LAMA3: variants seen among roughly 807,000 people sequenced by gnomAD.
LAMA3 encodes laminin subunit alpha-3.
In LAMA3, 281 loss-of-function variants were observed where a neutral mutation model predicts 402.0. That is an observed-to-expected ratio of 0.70 (90% CI 0.63 to 0.77). The LOEUF is 0.77. Ranked by LOEUF, LAMA3 falls within the 30% of genes least tolerant of loss-of-function variation. The pLI, the probability that LAMA3 is intolerant of heterozygous loss-of-function variation, is 0.00. For synonymous variants in LAMA3, 1,431 were observed against 1,558.4 expected (o/e 0.92, Z 1.93); for missense variants, 3,840 against 4,215.5 (o/e 0.91, Z 2.47).
chr18:23,767,820 G>A (rs533425956), intron 8 of LAMA3, among the ~76,000 whole-genome samples: 4 of 152,032 alleles, frequency 2.6e-5, no homozygotes, highest in South Asian at 2.1e-4. Context: ...TGACCCACCC[G>A]CTTCAGCCTC....
At position 23,900,111 on chromosome 18, in the gene LAMA3, C is replaced by T. The variant is rs139949673; in HGVS notation, c.6004+656C>T. Among the ~76,000 whole-genome samples the T allele has an allele frequency of 5.3e-5, 8 of 152,096 alleles. No homozygotes were observed. In the East Asian group the frequency reaches 1.5e-3, roughly 29 times the overall value. ...TATGTGACAGAGTCTCACTCCATTA[C>T]TCAGGCTGGAGTGCAGTAGTGTGAT... On this transcript the variant is annotated intron_variant, in intron 47 of 74. Coordinates refer to ENST00000313654, the MANE Select transcript of LAMA3 (RefSeq NM_198129.4).
chr18:23,946,596 C>G lies in LAMA3; in HGVS notation c.9351+312C>G, dbSNP rs934804396. ...AAAAACGTAGGTTTTAGGTTATAGA[C>G]AGAGATTTTTTGGTTAACATAATGT... On this transcript the variant is annotated intron_variant, in intron 70 of 74. Transcript: ENST00000313654. The G allele has an allele frequency of 9.2e-6, 3 of 324,326 alleles. No individual in the cohort carries two copies. The Admixed American group carries it at 1.3e-4, about 14-fold the overall frequency. The allele number at this position is 324,326 out of a possible 1,614,324, so 20.1% of individuals were successfully genotyped here.
At chr18:23,825,566 G>T (rs2063365787) in intron 21 of LAMA3, among the ~76,000 whole-genome samples, 1 of 152,094 alleles carries the variant, frequency 6.6e-6, no homozygotes, top group African/African-American at 2.4e-5. Context: ...TAACATGAGG[G>T]ATTGTTCTTT....
rs896843668 is a variant in LAMA3, at chr18:23,782,552, A to AAAAT, written c.1469-1451_1469-1448dup. ...TGGGCGATAGAATGAAACTCTGTCT[A>AAAAT]AAATAAATAAATAAATAAATAAAAA... On this transcript the variant is annotated intron_variant, in intron 11 of 74. Coordinates refer to ENST00000313654, the MANE Select transcript of LAMA3 (RefSeq NM_198129.4). Among the ~76,000 whole-genome samples, 38 of 152,266 alleles carry AAAAT rather than the reference A, an allele frequency of 2.5e-4. 1 individual carries two copies. The highest frequency in any genetic ancestry group is 1.2e-3 in the South Asian group (6 of 4,826).
intron 34 of LAMA3, 56 bp downstream of exon 34, chr18:23,858,885 T>A: frequency 1.9e-6 from 3 of 1,546,222 alleles, no homozygotes; most frequent in Non-Finnish European, 2.7e-6. Context: ...TGTTAAATGA[T>A]AAGCATATCC....
chr18:23,925,794 T>C (rs958275711), intron 62 of LAMA3, among the ~76,000 whole-genome samples: 26 of 152,200 alleles, frequency 1.7e-4, no homozygotes, highest in Admixed American at 6.5e-4. Context: ...ATAGTGGAAG[T>C]AAATCTCTTC....
At chr18:23,924,836 C>A (rs1335094390) in intron 62 of LAMA3, among the ~76,000 whole-genome samples, 1 of 152,174 alleles carries the variant, frequency 6.6e-6, no homozygotes, top group Non-Finnish European at 1.5e-5. Flanking sequence ...AGCCACCATG[C>A]ACAGCCTATA....
intron 29 of LAMA3, among the ~76,000 whole-genome samples, chr18:23,844,792 G>A (rs1036512626): frequency 1.3e-5 from 2 of 152,118 alleles, no homozygotes; most frequent in African/African-American, 4.8e-5. Flanking sequence ...TACAGATTGA[G>A]CATCCCTAAT....
At chr18:23,874,984 C>T (rs2144849267) in intron 38 of LAMA3, among the ~76,000 whole-genome samples, 1 of 152,320 alleles carries the variant, frequency 6.6e-6, no homozygotes, top group Admixed American at 6.5e-5. Context: ...CCACCTCAAC[C>T]TCCCGAGTAG....
chr18:23,865,374 C>A (rs1176865509), intron 36 of LAMA3, among the ~76,000 whole-genome samples: 1 of 152,208 alleles, frequency 6.6e-6, no homozygotes, highest in Non-Finnish European at 1.5e-5. Context: ...TAGGCTCAAG[C>A]AATTCTCCCT....
intron 1 of LAMA3, among the ~76,000 whole-genome samples, chr18:23,701,729 G>A (rs1439912887): frequency 2.0e-5 from 3 of 152,114 alleles, no homozygotes; most frequent in South Asian, 2.1e-4. Flanking sequence ...GAAGAGAAGC[G>A]GGTAGGGGAA....
At position 23,912,869 on chromosome 18, in the gene LAMA3, T is replaced by C. The variant is rs1240492782; in HGVS notation, c.7317T>C (p.Leu2439=). Residue 2439 remains leucine (L), a synonymous_variant, in exon 56 of 75, where the codon CTT becomes CTC. Transcript: ENST00000313654. ...GGTENMFVMY[L]GNKDASRDYI... ...CTGAGAATATGTTTGTGATGTACCTTGGAAATAAAGATGTAAGTATTGCTT... is the reference window on the plus strand; with the variant it reads ...CTGAGAATATGTTTGTGATGTACCTCGGAAATAAAGATGTAAGTATTGCTT... 2 of 1,613,718 alleles carry C rather than the reference T, an allele frequency of 1.2e-6. No homozygotes were observed. The highest frequency in any genetic ancestry group is 1.7e-6 in the Non-Finnish European group (2 of 1,179,718).
Position 23,751,016 on chromosome 18 carries a change from T to C in LAMA3, c.783T>C (p.Arg261=). 6.2e-7 allele frequency: 1 copy of C among 1,614,136 alleles called. No individual in the cohort carries two copies. The highest frequency in any genetic ancestry group is 8.5e-7 in the Non-Finnish European group (1 of 1,180,006). The change falls in exon 5 of 75, where the codon CGT becomes CGC. Residue 261 remains arginine, a synonymous_variant. Transcript: ENST00000313654. ...EFTKATNIRL[R]FLRTNTLLGH... ...CCAAGGCAACAAACATCCGCTTGCG[T>C]TTTCTTAGAACCAATACGCTTCTTG...
chr18:23,748,116 A>T, intron 3 of LAMA3, 56 bp downstream of exon 3: 1 of 1,015,864 alleles, frequency 9.8e-7, no homozygotes, highest in Non-Finnish European at 1.6e-6. Context: ...GAACAGATAA[A>T]GACTATGGAT....
chr18:23,827,854 C>G (rs1412371563), intron 23 of LAMA3, among the ~76,000 whole-genome samples: 1 of 152,186 alleles, frequency 6.6e-6, no homozygotes, highest in East Asian at 1.9e-4. Context: ...GGATACCACA[C>G]TCACTGACTG....
At chr18:23,934,562 G>A (rs576098661) in intron 67 of LAMA3, among the ~76,000 whole-genome samples, 1 of 152,294 alleles carries the variant, frequency 6.6e-6, no homozygotes, top group Admixed American at 6.5e-5. Context: ...GGTTTAAGGA[G>A]CTCCTTGCTC....
rs781202078 is a variant in LAMA3 at position 23,890,030 on chromosome 18, G to A, written c.5323G>A (p.Gly1775Arg). Residue 1775 changes from glycine to arginine, a missense_variant, in exon 42 of 75, where the codon GGG becomes AGG. By Grantham distance (125) the Gly-to-Arg change is moderately radical. Coordinates refer to ENST00000313654, the MANE Select transcript of LAMA3 (RefSeq NM_198129.4). ...GTGTAGGTGTGCACCGGGATATTTC[G>A]GGAATCCCCAGAAATTCGGAGGTAG... ...QCERCAPGYF[G>R]NPQKFGGSCQ... is the part of the protein sequence containing the mutation. The A allele has an allele frequency of 3.7e-6, 6 of 1,613,500 alleles. No individual in the cohort carries two copies. Among genetic ancestry groups the A allele is most frequent in the Middle Eastern group, 1.6e-4 (1 of 6,082 alleles).
At chr18:23,926,490 A>C (rs1043962497) in intron 62 of LAMA3, among the ~76,000 whole-genome samples, 1 of 152,266 alleles carries the variant, frequency 6.6e-6, no homozygotes, top group Non-Finnish European at 1.5e-5. Flanking sequence ...AATTAGGCTT[A>C]TACTGTAATG....
Position 23,904,689 on chromosome 18 carries a change from C to G in LAMA3, c.6610C>G (p.Leu2204Val). 2 of 1,614,052 alleles carry G rather than the reference C, an allele frequency of 1.2e-6. No homozygotes were observed. The highest frequency in any genetic ancestry group is 1.7e-4 in the Middle Eastern group (1 of 6,022). ...GGCTGCCAGTGCATCTGAATCTGCC[C>G]TCCAGGTGGGCACCTGTACCAGCAG... ...NRAASASESA[L>V]QTVIKEDLPR... Residue 2204 changes from leucine (L) to valine (V), a missense_variant, in exon 51 of 75, where the codon CTC becomes GTC. Physicochemically the swap from Leu to Val is conservative, Grantham distance 32 (BLOSUM62 1). Around this residue, in one of 3 missense-constraint regions of LAMA3, gnomAD observed 891 missense variants for 857.5 expected, o/e 1.04. Coordinates refer to ENST00000313654, the MANE Select transcript of LAMA3 (RefSeq NM_198129.4).
Sources: gnomAD v4.1 joint callset for allele counts (sites outside exome capture counted in the v4.1 genomes callset) on GRCh38, gnomAD v4.1.1 for gene constraint, gnomAD v4.1.1 regional missense constraint, MANE v1.5 for transcripts, NCBI Gene and HGNC (gene_info 2026-07-23, HGNC 2026-07-21) for gene names.